CXCL13: variants seen among roughly 807,000 people sequenced by gnomAD.
CXCL13 encodes C-X-C motif chemokine ligand 13, also known as C-X-C motif chemokine 13.
A neutral mutation model predicts 12.2 loss-of-function variants in CXCL13; 7 were observed. That is an observed-to-expected ratio of 0.57 (90% confidence interval 0.33 to 1.07). The LOEUF (loss-of-function observed/expected upper bound fraction) is 1.07. Ranked by LOEUF, CXCL13 falls within the 50% of genes least tolerant of loss-of-function variation. CXCL13 has a pLI of 0.04. For missense variants in CXCL13, 113 were observed against 127.4 expected, an observed-to-expected ratio of 0.89 and a Z score of 0.55; for synonymous variants, 47 against 42.4, an observed-to-expected ratio of 1.11 and a Z score of -0.42.
In CXCL13 at chr4:77,571,656, C is replaced by T. The variant is rs539738665; in HGVS notation, c.-42-34168C>T. On this transcript the variant is annotated intron_variant, in intron 1 of 4. Coordinates refer to the CXCL13 transcript ENST00000286758. The stretch of plus-strand genomic sequence containing the variant: ...CCAATCAGTGCCCCGACAAAACAAG[C>T]CACTGGGCTCTACCAATCAGCAGGA... Among the ~76,000 whole-genome samples, 22 of 151,888 alleles carry T rather than the reference C, an allele frequency of 1.4e-4. 1 individual carries two copies. In the South Asian group the frequency reaches 1.5e-3, roughly 10 times the overall value.
At chr4:77,607,384 C>A (rs567844290) in intron 1 of CXCL13, among the ~76,000 whole-genome samples, 1 of 151,956 alleles carries the variant, frequency 6.6e-6, no homozygotes, top group East Asian at 1.9e-4. Context: ...ATGGGGTCTC[C>A]GTTTGTTGCC....
chr4:77,566,127 C>T (rs1019699933), intron 1 of CXCL13, among the ~76,000 whole-genome samples: 14 of 152,162 alleles, frequency 9.2e-5, no homozygotes, highest in African/African-American at 2.9e-4. Flanking sequence ...GCACACCTTC[C>T]TATACATATA....
At chr4:77,561,459 C>T (rs1296742212) in intron 1 of CXCL13, among the ~76,000 whole-genome samples, 1 of 152,256 alleles carries the variant, frequency 6.6e-6, no homozygotes, top group Non-Finnish European at 1.5e-5. Flanking sequence ...ATTATCCCAA[C>T]AGTCCTGAAG....
intron 1 of CXCL13, among the ~76,000 whole-genome samples, chr4:77,567,402 T>C (rs943652893): frequency 9.2e-5 from 14 of 152,164 alleles, no homozygotes; most frequent in African/African-American, 3.4e-4. Context: ...CAAATCTTCA[T>C]TTAAAGTTAA....
intron 1 of CXCL13, among the ~76,000 whole-genome samples, chr4:77,518,380 T>C (rs574635195): frequency 6.6e-6 from 1 of 152,356 alleles, no homozygotes; most frequent in East Asian, 1.9e-4. Context: ...GATAATATCC[T>C]GCAGAGTGTT....
At chr4:77,552,606 C>G (rs1177605525) in intron 1 of CXCL13, among the ~76,000 whole-genome samples, 5 of 152,212 alleles carry the variant, frequency 3.3e-5, no homozygotes, top group African/African-American at 1.2e-4. Context: ...TGGGGCTGGA[C>G]CAGGCAGGTC....
chr4:77,594,136 C>A (rs1042915609), intron 1 of CXCL13, among the ~76,000 whole-genome samples: 9 of 152,150 alleles, frequency 5.9e-5, no homozygotes, highest in Non-Finnish European at 1.2e-4. Context: ...CAGTGTGATG[C>A]AAAAAGCACT....
chr4:77,569,292 G>A (rs918054906), intron 1 of CXCL13, among the ~76,000 whole-genome samples: 2 of 152,124 alleles, frequency 1.3e-5, no homozygotes, highest in Non-Finnish European at 2.9e-5. Flanking sequence ...GAGAAATAAA[G>A]GGCATCCAAA....
In CXCL13 at chr4:77,551,471, G is replaced by T. The variant is rs370434943; in HGVS notation, c.-43+39683G>T. 5.9e-5 allele frequency among the ~76,000 whole-genome samples: 9 copies of T among 152,286 alleles called. No individual in the cohort carries two copies. The South Asian group carries it at 1.9e-3, about 32-fold the overall frequency. ...CCACCAATCTCTCCTGGCTTGTAAGGTTTCTGCTGGGAAGTCTGCTGTTAG... is the reference window on the plus strand; with the variant it reads ...CCACCAATCTCTCCTGGCTTGTAAGTTTTCTGCTGGGAAGTCTGCTGTTAG... On this transcript the variant is annotated intron_variant, in intron 1 of 4. Transcript: ENST00000286758.
intron 1 of CXCL13, among the ~76,000 whole-genome samples, chr4:77,593,384 T>C (rs1726665021): frequency 6.6e-6 from 1 of 152,194 alleles, no homozygotes; most frequent in African/African-American, 2.4e-5. Flanking sequence ...GTGCCCTGTA[T>C]TAGGAATCAT....
Position 77,571,560 on chromosome 4 carries a change from A to C in CXCL13, c.-42-34264A>C, listed in dbSNP as rs531882126. ...GGGGCCTTGGAGAACCTGTGTGTCG[A>C]AACTGTGTATCTAACTAATCTGATG... On this transcript the variant is annotated intron_variant, in intron 1 of 4. Transcript: ENST00000286758. Among the ~76,000 whole-genome samples, 6 of 151,994 alleles carry C rather than the reference A, an allele frequency of 3.9e-5. No individual in the cohort carries two copies. In the East Asian group the frequency reaches 1.2e-3, roughly 29 times the overall value.
intron 1 of CXCL13, among the ~76,000 whole-genome samples, chr4:77,575,273 T>A (rs1258437397): frequency 6.6e-6 from 1 of 151,952 alleles, no homozygotes; most frequent in Non-Finnish European, 1.5e-5. Flanking sequence ...TCTAATAACA[T>A]CAAGTGTTTT....
chr4:77,531,509 G>A (rs1724916659), intron 1 of CXCL13, among the ~76,000 whole-genome samples: 1 of 151,954 alleles, frequency 6.6e-6, no homozygotes, highest in Non-Finnish European at 1.5e-5. Context: ...ATGCTGAAAA[G>A]AATGTATATT....
intron 1 of CXCL13, among the ~76,000 whole-genome samples, chr4:77,551,464 T>A (rs1436863754): frequency 1.3e-5 from 2 of 152,220 alleles, no homozygotes; most frequent in Non-Finnish European, 2.9e-5. Flanking sequence ...CTCTCCTGGC[T>A]TGTAAGGTTT....
intron 1 of CXCL13, among the ~76,000 whole-genome samples, chr4:77,545,013 C>G (rs978529535): frequency 6.6e-6 from 1 of 152,176 alleles, no homozygotes; most frequent in East Asian, 1.9e-4. Context: ...AATCCTTTCC[C>G]CATTTCTTGT....
At chr4:77,598,721 A>G (rs1449322266) in intron 1 of CXCL13, among the ~76,000 whole-genome samples, 1 of 152,224 alleles carries the variant, frequency 6.6e-6, no homozygotes, top group African/African-American at 2.4e-5. Context: ...TTGAGACTCC[A>G]TAGTGAACAC....
chr4:77,527,755 G>A (rs933349723), intron 1 of CXCL13, among the ~76,000 whole-genome samples: 1 of 151,942 alleles, frequency 6.6e-6, no homozygotes, highest in East Asian at 1.9e-4. Flanking sequence ...ACTTGCAACA[G>A]TTTGGCAGTT....
intron 1 of CXCL13, among the ~76,000 whole-genome samples, chr4:77,575,652 T>G (rs2109821485): frequency 6.6e-6 from 1 of 151,960 alleles, no homozygotes; most frequent in South Asian, 2.1e-4. Flanking sequence ...CTGCATAGTA[T>G]TCCATGTAAA....
chr4:77,547,376 T>C (rs1725391300), intron 1 of CXCL13, among the ~76,000 whole-genome samples: 1 of 152,336 alleles, frequency 6.6e-6, no homozygotes, highest in South Asian at 2.1e-4. Flanking sequence ...AGTCTCTTTC[T>C]AGGTCTCTAA....
Sources: gnomAD v4.1 joint callset for allele counts (sites outside exome capture counted in the v4.1 genomes callset) on GRCh38, gnomAD v4.1.1 for gene constraint, MANE v1.5 for transcripts, NCBI Gene and HGNC (gene_info 2026-07-23, HGNC 2026-07-21) for gene names.